The following MARCHF1 variants were observed in gnomAD, a reference collection of about 807,000 sequenced individuals.
The protein encoded by MARCHF1 is E3 ubiquitin-protein ligase MARCHF1.
A neutral mutation model predicts 54.2 loss-of-function variants in MARCHF1; 40 were observed. The observed-to-expected ratio is 0.74, with a 90% CI of 0.57 to 0.96. The LOEUF (loss-of-function observed/expected upper bound fraction) is 0.96. MARCHF1 is among the 40% of genes least tolerant of loss of function. MARCHF1 has a pLI of 0.00. For missense variants in MARCHF1, 586 were observed against 656.5 expected, an observed-to-expected ratio of 0.89 and a Z score of 1.17; for synonymous variants, 236 against 236.3, an observed-to-expected ratio of 1.00 and a Z score of 0.01.
intron 1 of MARCHF1, among the ~76,000 whole-genome samples, chr4:164,160,948 A>T (rs1730216588): frequency 6.6e-6 from 1 of 152,192 alleles, no homozygotes; most frequent in African/African-American, 2.4e-5. Flanking sequence ...ATACAAAAAA[A>T]ATGACAAAAA....
chr4:164,212,789 C>T (rs1370068209), intron 1 of MARCHF1, among the ~76,000 whole-genome samples: 1 of 151,862 alleles, frequency 6.6e-6, no homozygotes, highest in Non-Finnish European at 1.5e-5. Flanking sequence ...AATCATCATG[C>T]TAGCCATATG....
intron 4 of MARCHF1, among the ~76,000 whole-genome samples, chr4:163,777,629 T>A (rs1747342097): frequency 6.6e-6 from 1 of 152,160 alleles, no homozygotes; most frequent in South Asian, 2.1e-4. Context: ...TTTGGCAGGT[T>A]TGTATTTTCA....
chr4:164,350,777 G>C (rs955615960), intron 1 of MARCHF1, among the ~76,000 whole-genome samples: 5 of 152,160 alleles, frequency 3.3e-5, no homozygotes, highest in African/African-American at 1.2e-4. Context: ...GGCCGAATAG[G>C]AACAGCTCCG....
intron 1 of MARCHF1, among the ~76,000 whole-genome samples, chr4:164,357,248 G>A (rs745436568): frequency 4.6e-5 from 7 of 151,842 alleles, no homozygotes; most frequent in African/African-American, 1.2e-4. Context: ...TTCATTTTTC[G>A]CGACTGTGAG....
chr4:164,323,588 G>A (rs1422602612), intron 1 of MARCHF1, among the ~76,000 whole-genome samples: 6 of 82,244 alleles, frequency 7.3e-5, no homozygotes, highest in African/African-American at 2.9e-4. Context: ...TTAAGGAGAG[G>A]ATGAGTAGCA....
In MARCHF1 at chr4:164,043,615, T is replaced by C. The variant is rs75070263; in HGVS notation, c.-247-54906A>G. Among the ~76,000 whole-genome samples the C allele has an allele frequency of 2.0e-3, 305 of 152,326 alleles. 4 individuals are homozygous for C. Among genetic ancestry groups the C allele is most frequent in the South Asian group, 0.016 (78 of 4,828 alleles). On this transcript the variant is annotated intron_variant, in intron 2 of 9. Transcript: ENST00000514618. ...CTCTGGAGACATTTTCCCCACTGTC[T>C]TGGCTATTATCATGTGGGTCTTTGT...
chr4:164,189,868 T>A (rs559737223), intron 1 of MARCHF1: 61 of 1,589,338 alleles, frequency 3.8e-5, no homozygotes, highest in Middle Eastern at 1.7e-4. Flanking sequence ...CAGATTGAAG[T>A]CACCTTTGAG....
At chr4:163,990,878 C>T (rs987412594) in intron 2 of MARCHF1, among the ~76,000 whole-genome samples, 1 of 152,120 alleles carries the variant, frequency 6.6e-6, no homozygotes, top group Admixed American at 6.6e-5. Flanking sequence ...AGGCAGCTTT[C>T]CAGATAAATT....
chr4:164,202,495 A>G (rs1348758792), intron 1 of MARCHF1, among the ~76,000 whole-genome samples: 2 of 152,216 alleles, frequency 1.3e-5, no homozygotes, highest in East Asian at 1.9e-4. Flanking sequence ...TGTATTTTTA[A>G]AAGACTAGAA....
chr4:164,096,453 T>C (rs1210229109), intron 2 of MARCHF1, among the ~76,000 whole-genome samples: 1 of 151,992 alleles, frequency 6.6e-6, no homozygotes, highest in Non-Finnish European at 1.5e-5. Context: ...GCTGAAAAAC[T>C]TCCTATTTGG....
intron 8 of MARCHF1, among the ~76,000 whole-genome samples, chr4:163,558,346 C>T (rs1739357975): frequency 6.6e-6 from 1 of 152,166 alleles, no homozygotes; most frequent in Non-Finnish European, 1.5e-5. Context: ...TTACAAGGGA[C>T]ACAAATGTAA....
At chr4:163,641,808 A>G (rs1742563265) in intron 5 of MARCHF1, among the ~76,000 whole-genome samples, 2 of 152,190 alleles carry the variant, frequency 1.3e-5, no homozygotes, top group Non-Finnish European at 2.9e-5. Flanking sequence ...GCTAGAGATT[A>G]GTGAGACAAA....
chr4:164,111,352 C>T (rs1420776183), intron 2 of MARCHF1, among the ~76,000 whole-genome samples: 2 of 151,538 alleles, frequency 1.3e-5, no homozygotes, highest in African/African-American at 2.4e-5. Context: ...TATCACAAGT[C>T]GTTAAAATAT....
intron 1 of MARCHF1, among the ~76,000 whole-genome samples, chr4:164,222,213 C>G (rs115305681): frequency 1.3e-5 from 2 of 151,244 alleles, no homozygotes; most frequent in African/African-American, 2.4e-5. Context: ...ATAACACCAC[C>G]TGTCAACACC....
At chr4:164,101,114 G>T (rs558012576) in intron 2 of MARCHF1, among the ~76,000 whole-genome samples, 1 of 152,180 alleles carries the variant, frequency 6.6e-6, no homozygotes, top group African/African-American at 2.4e-5. Flanking sequence ...AGGGTCCTAC[G>T]CCCACGGAGT....
chr4:163,792,171 C>T (rs1208145637), intron 4 of MARCHF1, among the ~76,000 whole-genome samples: 1 of 152,130 alleles, frequency 6.6e-6, no homozygotes, highest in Non-Finnish European at 1.5e-5. Context: ...GTCATTATGC[C>T]ATAACGATTT....
At chr4:164,098,708 G>A (rs1482104171) in intron 2 of MARCHF1, among the ~76,000 whole-genome samples, 3 of 152,190 alleles carry the variant, frequency 2.0e-5, no homozygotes, top group Non-Finnish European at 2.9e-5. Context: ...GAAGAGAGAT[G>A]TGCTCAGATC....
At chr4:164,023,775 A>C (rs926960758) in intron 2 of MARCHF1, among the ~76,000 whole-genome samples, 6 of 152,186 alleles carry the variant, frequency 3.9e-5, no homozygotes, top group Non-Finnish European at 7.3e-5. Flanking sequence ...TCAAAATCTG[A>C]ATGACAAGAA....
intron 3 of MARCHF1, among the ~76,000 whole-genome samples, chr4:163,931,121 G>A (rs1179882890): frequency 6.6e-6 from 1 of 152,112 alleles, no homozygotes; most frequent in African/African-American, 2.4e-5. Flanking sequence ...CAGCAAGAAG[G>A]CTGATACGTG....
Sources: gnomAD v4.1 joint callset for allele counts (sites outside exome capture counted in the v4.1 genomes callset) on GRCh38, gnomAD v4.1.1 for gene constraint, MANE v1.5 for transcripts, NCBI Gene and HGNC (gene_info 2026-07-23, HGNC 2026-07-21) for gene names.